PPP1R42: variants seen among roughly 807,000 people sequenced by gnomAD.
PPP1R42 encodes the protein protein phosphatase 1 regulatory subunit 42.
Under a neutral mutation model 31.0 loss-of-function variants are expected in PPP1R42, and 34 were observed. The observed-to-expected ratio is 1.10, with a 90% CI of 0.83 to 1.46. PPP1R42 has a LOEUF of 1.46. Among genes scored for constraint, PPP1R42 ranks in the 40% most tolerant of loss-of-function variants. The pLI is 0.00. For missense variants in PPP1R42, 268 were observed against 303.0 expected, an observed-to-expected ratio of 0.88 and a Z score of 0.86; for synonymous variants, 103 against 109.8, an observed-to-expected ratio of 0.94 and a Z score of 0.39.
intron 6 of PPP1R42, among the ~76,000 whole-genome samples, chr8:66,983,437 T>G (rs1344352170): frequency 1.3e-5 from 2 of 152,132 alleles, no homozygotes; most frequent in Non-Finnish European, 2.9e-5. Flanking sequence ...ATGATCTTCA[T>G]TTAATAGAAG....
At chr8:66,975,216 C>T (rs1403027777) in intron 7 of PPP1R42, among the ~76,000 whole-genome samples, 5 of 152,102 alleles carry the variant, frequency 3.3e-5, no homozygotes, top group South Asian at 2.1e-4. Flanking sequence ...AATGTTTTGT[C>T]GTTTTCAGCA....
intron 2 of PPP1R42, 151 bp downstream of exon 2, chr8:67,017,468 T>A: frequency 2.7e-6 from 1 of 363,886 alleles, no homozygotes; most frequent in Non-Finnish European, 4.7e-6. Context: ...TACTCCAGCC[T>A]GGGCAACAGA....
chr8:66,980,081 G>T (rs1814783633), intron 7 of PPP1R42, among the ~76,000 whole-genome samples: 1 of 152,038 alleles, frequency 6.6e-6, no homozygotes, highest in Non-Finnish European at 1.5e-5. Flanking sequence ...CAGCCAGCCA[G>T]GAATGAACAG....
Position 67,009,702 on chromosome 8 carries a change from C to G in PPP1R42, c.552+1013G>C, listed in dbSNP as rs150127366. On this transcript the variant is annotated intron_variant, in intron 5 of 7. Coordinates refer to ENST00000685739, the MANE Select transcript of PPP1R42 (RefSeq NM_001364910.1). Reference sequence around the variant, plus strand: ...AGGTCTTCTTATTTGAAACATCCACCCTGATTATTCAATTGCATTTTAGAT... The same window carrying G: ...AGGTCTTCTTATTTGAAACATCCACGCTGATTATTCAATTGCATTTTAGAT... Among the ~76,000 whole-genome samples, 1,250 of 152,204 alleles carry G rather than the reference C, an allele frequency of 8.2e-3. 15 individuals are homozygous for G. The highest frequency in any genetic ancestry group is 0.029 in the African/African-American group (1,195 of 41,532).
intron 7 of PPP1R42, among the ~76,000 whole-genome samples, chr8:66,973,869 G>A (rs893924123): frequency 9.2e-5 from 14 of 152,110 alleles, no homozygotes; most frequent in African/African-American, 3.4e-4. Flanking sequence ...ATTTCACTTA[G>A]CATAATACCC....
At chr8:66,964,371 A>T in intron 7 of PPP1R42, 37 bp from the exon 8 acceptor site, 17 of 1,142,374 alleles carry the variant, frequency 1.5e-5, no homozygotes, top group Non-Finnish European at 1.8e-5. Flanking sequence ...GCATTAAATT[A>T]AAAAAATGAA....
intron 5 of PPP1R42, among the ~76,000 whole-genome samples, chr8:67,010,315 C>A (rs186969584): frequency 2.0e-5 from 3 of 152,276 alleles, no homozygotes; most frequent in Non-Finnish European, 2.9e-5. Flanking sequence ...AGAATCATTT[C>A]AAGTACTTCC....
intron 7 of PPP1R42, among the ~76,000 whole-genome samples, chr8:66,973,643 A>G (rs780044201): frequency 6.6e-6 from 1 of 151,474 alleles, no homozygotes; most frequent in African/African-American, 2.5e-5. Flanking sequence ...AATGTACAAT[A>G]CATTATTTTT....
intron 7 of PPP1R42, among the ~76,000 whole-genome samples, chr8:66,968,163 G>A (rs1235821629): frequency 6.6e-6 from 1 of 152,104 alleles, no homozygotes; most frequent in African/African-American, 2.4e-5. Flanking sequence ...TTTAATTAAA[G>A]TATACATTGA....
chr8:66,980,753 G>A (rs919624371), intron 7 of PPP1R42, among the ~76,000 whole-genome samples: 2 of 151,934 alleles, frequency 1.3e-5, no homozygotes, highest in Admixed American at 6.6e-5. Context: ...TTAGTCAGTT[G>A]TAGAACAAGA....
intron 5 of PPP1R42, chr8:67,010,467 C>G (rs1432321846): frequency 5.6e-6 from 2 of 355,518 alleles, no homozygotes. Flanking sequence ...AGAAGAGATA[C>G]TTCCCTTCTC....
chr8:66,977,190 G>A (rs993100890), intron 7 of PPP1R42, among the ~76,000 whole-genome samples: 1 of 151,724 alleles, frequency 6.6e-6, no homozygotes, highest in Non-Finnish European at 1.5e-5. Context: ...GTGCCACCAC[G>A]CTCAGCTAAT....
chr8:67,015,563 TTA>T (rs1400507117), intron 2 of PPP1R42, among the ~76,000 whole-genome samples: 1 of 151,988 alleles, frequency 6.6e-6, no homozygotes, highest in Non-Finnish European at 1.5e-5. Flanking sequence ...TTCTTTCTTA[TTA>T]TATGTATATT....
chr8:66,979,082 G>A (rs1814754869), intron 7 of PPP1R42, among the ~76,000 whole-genome samples: 1 of 151,968 alleles, frequency 6.6e-6, no homozygotes, highest in African/African-American at 2.4e-5. Context: ...GTTTATTTTT[G>A]TTCTCATTGC....
At chr8:66,997,356 G>A (rs1815362259) in intron 5 of PPP1R42, among the ~76,000 whole-genome samples, 1 of 151,866 alleles carries the variant, frequency 6.6e-6, no homozygotes, top group South Asian at 2.1e-4. Flanking sequence ...CTGGAGTGCA[G>A]TGCCATGATC....
chr8:66,994,122 C>A (rs1193472287), intron 5 of PPP1R42, among the ~76,000 whole-genome samples: 1 of 151,952 alleles, frequency 6.6e-6, no homozygotes, highest in Non-Finnish European at 1.5e-5. Flanking sequence ...GTTAGAGGAT[C>A]TTGGTGGTAA....
Position 66,984,823 on chromosome 8 carries a change from A to G in PPP1R42, c.671-2643T>C. On this transcript the variant is annotated intron_variant, in intron 6 of 7. Coordinates refer to ENST00000685739, the MANE Select transcript of PPP1R42 (RefSeq NM_001364910.1). ...CACTTTGGGTTCTGGAGGAGGCATC[A>G]GGCCCAGCCTGACTTTTTCTAGTAG... 5 of 1,602,808 alleles carry G rather than the reference A, an allele frequency of 3.1e-6. No individual in the cohort carries two copies. The Admixed American group carries it at 8.4e-5, about 27-fold the overall frequency.
At chr8:66,981,526 C>A (rs1257472824) in intron 7 of PPP1R42, among the ~76,000 whole-genome samples, 1 of 151,730 alleles carries the variant, frequency 6.6e-6, no homozygotes, top group African/African-American at 2.4e-5. Context: ...ATTACAGGTG[C>A]CTGTCACCAC....
Position 66,967,526 on chromosome 8 carries a change from C to G in PPP1R42, c.803-3192G>C, listed in dbSNP as rs113016987. 5.3e-5 allele frequency among the ~76,000 whole-genome samples: 8 copies of G among 152,306 alleles called. No individual in the cohort carries two copies. The East Asian group carries it at 1.5e-3, about 29-fold the overall frequency. On this transcript the variant is annotated intron_variant, in intron 7 of 7. Transcript: ENST00000685739. ...TAAAAATATCTGAGTTTTAAAAATTCTTCCCTAAGCACATAGATCTGTTGT... is the reference window on the plus strand; with the variant it reads ...TAAAAATATCTGAGTTTTAAAAATTGTTCCCTAAGCACATAGATCTGTTGT...
Sources: allele counts gnomAD v4.1 joint callset (sites outside exome capture counted in the v4.1 genomes callset), GRCh38; gene constraint gnomAD v4.1.1; transcripts MANE v1.5; gene names NCBI Gene and HGNC (gene_info 2026-07-23, HGNC 2026-07-21).